Variants in PEBP4 observed in about 807,000 individuals in gnomAD.
PEBP4 encodes phosphatidylethanolamine binding protein 4.
In PEBP4, 22 loss-of-function variants were observed where a neutral mutation model predicts 23.9. That is an observed-to-expected ratio of 0.92 (90% CI 0.66 to 1.31). The LOEUF is 1.31. Among genes scored for constraint, PEBP4 ranks in the 40% most tolerant of loss-of-function variants. The probability of loss-of-function intolerance (pLI) is 0.00; values close to 1 mark genes in which losing one functional copy is unlikely to be tolerated. For missense variants in PEBP4, 324 were observed against 281.7 expected, an observed-to-expected ratio of 1.15 and a Z score of -1.07; for synonymous variants, 112 against 99.3, an observed-to-expected ratio of 1.13 and a Z score of -0.76.
At chr8:22,830,296 A>ATT (rs1807058934) in intron 3 of PEBP4, among the ~76,000 whole-genome samples, 1 of 143,482 alleles carries the variant, frequency 7.0e-6, no homozygotes, top group Non-Finnish European at 1.5e-5. Flanking sequence ...CGCCTGGCTA[A>ATT]TTTTTGTGTG....
intron 6 of PEBP4, among the ~76,000 whole-genome samples, chr8:22,724,280 G>T (rs1804579671): frequency 6.6e-6 from 1 of 152,140 alleles, no homozygotes; most frequent in Non-Finnish European, 1.5e-5. Context: ...AGCAGGCGGG[G>T]TTCGCCATTA....
At chr8:22,817,885 C>T in intron 3 of PEBP4, 150 bp from the exon 4 acceptor site, 1 of 674,956 alleles carries the variant, frequency 1.5e-6, no homozygotes, top group Non-Finnish European at 2.6e-6. Flanking sequence ...CTCGTGACAT[C>T]CCTCTCACAT....
intron 4 of PEBP4, among the ~76,000 whole-genome samples, chr8:22,778,897 C>G (rs1277035584): frequency 6.6e-6 from 1 of 152,132 alleles, no homozygotes; most frequent in Non-Finnish European, 1.5e-5. Flanking sequence ...CTGCTGCCAC[C>G]AGGGCGGGCT....
intron 3 of PEBP4, among the ~76,000 whole-genome samples, chr8:22,904,693 A>G (rs571034319): frequency 1.3e-5 from 2 of 152,222 alleles, no homozygotes; most frequent in Admixed American, 6.5e-5. Flanking sequence ...TGCATGCATA[A>G]AAGATATAAA....
intron 3 of PEBP4, among the ~76,000 whole-genome samples, chr8:22,859,304 G>T (rs1394525210): frequency 1.3e-5 from 2 of 152,226 alleles, no homozygotes; most frequent in African/African-American, 4.8e-5. Context: ...AATTCGCCGA[G>T]TGTTGAGCTT....
intron 4 of PEBP4, among the ~76,000 whole-genome samples, chr8:22,751,356 C>T (rs530129343): frequency 6.6e-6 from 1 of 152,218 alleles, no homozygotes; most frequent in South Asian, 2.1e-4. Flanking sequence ...TCGGAACAAA[C>T]CTCTGCTTCT....
At chr8:22,859,777 C>A (rs534413587) in intron 3 of PEBP4, among the ~76,000 whole-genome samples, 5 of 152,184 alleles carry the variant, frequency 3.3e-5, no homozygotes, top group African/African-American at 1.2e-4. Context: ...GTCCAGCATC[C>A]TTTCCTTGCA....
intron 3 of PEBP4, among the ~76,000 whole-genome samples, chr8:22,848,578 C>T (rs1303973386): frequency 6.6e-6 from 1 of 152,112 alleles, no homozygotes; most frequent in South Asian, 2.1e-4. Flanking sequence ...CTGGCTGTTC[C>T]CATGCACATG....
chr8:22,805,471 C>A lies in PEBP4; in HGVS notation c.357+12166G>T, dbSNP rs1280875487. ...CCTCCCAAGTAGCTGGGATTACAGG[C>A]ATGCGCCACCATGCCCATGTAATTT... On this transcript the variant is annotated intron_variant, in intron 4 of 6. Coordinates refer to ENST00000256404, the MANE Select transcript of PEBP4 (RefSeq NM_144962.3). Among the ~76,000 whole-genome samples the A allele has an allele frequency of 3.3e-5, 5 of 152,366 alleles. No individual in the cohort carries two copies. In the East Asian group the frequency reaches 9.7e-4, roughly 29 times the overall value.
At chr8:22,906,323 C>G (rs1300160826) in intron 3 of PEBP4, among the ~76,000 whole-genome samples, 1 of 152,210 alleles carries the variant, frequency 6.6e-6, no homozygotes, top group East Asian at 1.9e-4. Context: ...AAACTTCTCA[C>G]TAAGGCTGCT....
At chr8:22,747,568 A>C (rs1373788333) in intron 4 of PEBP4, 3 of 82,742 alleles carry the variant, frequency 3.6e-5, no homozygotes, top group African/African-American at 1.4e-4. Flanking sequence ...TGTGAGCAGC[A>C]GGGTGAGTGG....
intron 6 of PEBP4, among the ~76,000 whole-genome samples, chr8:22,723,337 A>G (rs562543557): frequency 2.8e-4 from 43 of 152,188 alleles, no homozygotes; most frequent in Admixed American, 7.2e-4. Context: ...CACGCAGAGT[A>G]GGGAAGCGTC....
intron 3 of PEBP4, among the ~76,000 whole-genome samples, chr8:22,837,135 A>G (rs1287042139): frequency 3.9e-5 from 6 of 152,192 alleles, no homozygotes; most frequent in Admixed American, 3.9e-4. Flanking sequence ...TACAGTCTCT[A>G]GAATCTATCC....
chr8:22,762,707 C>T (rs1174668832), intron 4 of PEBP4, among the ~76,000 whole-genome samples: 1 of 152,118 alleles, frequency 6.6e-6, no homozygotes, highest in African/African-American at 2.4e-5. Flanking sequence ...CATGTTCTCC[C>T]CAACTGTGAC....
chr8:22,935,012 G>T (rs1313432801), intron 1 of PEBP4, among the ~76,000 whole-genome samples: 2 of 152,026 alleles, frequency 1.3e-5, no homozygotes, highest in African/African-American at 2.4e-5. Flanking sequence ...TTCTACAAGA[G>T]AAAAAGAAGG....
intron 3 of PEBP4, chr8:22,885,596 G>A (rs556169081): frequency 7.2e-5 from 11 of 152,348 alleles, no homozygotes; most frequent in African/African-American, 2.4e-4. Context: ...TTCCGTTTCA[G>A]TGTGAAAAAG....
chr8:22,746,581 C>T (rs964938660), intron 4 of PEBP4, among the ~76,000 whole-genome samples: 13 of 152,038 alleles, frequency 8.6e-5, no homozygotes, highest in Non-Finnish European at 1.6e-4. Flanking sequence ...TCTCTCCCGC[C>T]TCTCCCCCTC....
intron 3 of PEBP4, among the ~76,000 whole-genome samples, chr8:22,868,595 G>A (rs536837700): frequency 6.6e-6 from 1 of 152,274 alleles, no homozygotes; most frequent in African/African-American, 2.4e-5. Flanking sequence ...GTCAAACAGT[G>A]TAAACAAAAC....
At chr8:22,779,427 T>C (rs1165786514) in intron 4 of PEBP4, among the ~76,000 whole-genome samples, 1 of 151,856 alleles carries the variant, frequency 6.6e-6, no homozygotes, top group Admixed American at 6.6e-5. Flanking sequence ...GGCCAGTGGG[T>C]TTTTTATGGC....
Sources: allele counts gnomAD v4.1 joint callset (sites outside exome capture counted in the v4.1 genomes callset), GRCh38; gene constraint gnomAD v4.1.1; transcripts MANE v1.5; gene names NCBI Gene and HGNC (gene_info 2026-07-23, HGNC 2026-07-21).